SLC44A5: variants seen among roughly 807,000 people sequenced by gnomAD.
The protein encoded by SLC44A5 is solute carrier family 44 member 5, also known as choline transporter-like protein 5.
In SLC44A5, 57 loss-of-function variants were observed where a neutral mutation model predicts 101.8. The observed-to-expected ratio is 0.56, with a 90% CI of 0.45 to 0.70. SLC44A5 has a LOEUF of 0.70. SLC44A5 is among the 30% of genes least tolerant of loss of function. The probability of loss-of-function intolerance (pLI) is 0.00; values close to 1 mark genes in which losing one functional copy is unlikely to be tolerated. For synonymous variants in SLC44A5, 281 were observed against 290.9 expected, an observed-to-expected ratio of 0.97 and a Z score of 0.35; for missense variants, 737 against 853.1, an observed-to-expected ratio of 0.86 and a Z score of 1.70.
intron 2 of SLC44A5, among the ~76,000 whole-genome samples, chr1:75,503,551 T>C (rs1269752243): frequency 6.6e-6 from 1 of 152,200 alleles, no homozygotes; most frequent in Admixed American, 6.5e-5. Context: ...TGTGGAACTA[T>C]GTGTCAATTA....
chr1:75,447,188 T>C (rs1219317040), intron 2 of SLC44A5, among the ~76,000 whole-genome samples: 2 of 152,180 alleles, frequency 1.3e-5, no homozygotes, highest in Admixed American at 6.5e-5. Flanking sequence ...CAAAGAATTA[T>C]CTATGAATAA....
chr1:75,404,412 TA>T (rs1448557181), intron 2 of SLC44A5, among the ~76,000 whole-genome samples: 1 of 152,008 alleles, frequency 6.6e-6, no homozygotes, highest in African/African-American at 2.4e-5. Flanking sequence ...TCAACAAGGT[TA>T]AAATGAAGGA....
At position 75,339,564 on chromosome 1, in the gene SLC44A5, C is replaced by A. The variant is rs1657706838; in HGVS notation, c.101+18G>T. 6.3e-7 allele frequency: 1 copy of A among 1,592,870 alleles called. No homozygotes were observed. The highest frequency in any genetic ancestry group is 8.5e-7 in the Non-Finnish European group (1 of 1,169,760). On this transcript the variant is annotated intron_variant, in intron 4 of 23. Coordinates refer to ENST00000370859, the MANE Select transcript of SLC44A5 (RefSeq NM_001130058.2). The stretch of plus-strand genomic sequence containing the variant: ...TGTATGTTTAAAAAAGCATATTCCC[C>A]AAAAAATAATTGCTTACCTGTTGGC...
At chr1:75,534,603 T>A (rs1184035053) in intron 2 of SLC44A5, among the ~76,000 whole-genome samples, 1 of 152,240 alleles carries the variant, frequency 6.6e-6, no homozygotes, top group Non-Finnish European at 1.5e-5. Flanking sequence ...GAATGTGTCA[T>A]GACTGGAAAT....
At chr1:75,682,958 C>G in the SLC44A5 span, among the ~76,000 whole-genome samples, 2 of 152,270 alleles carry the variant, frequency 1.3e-5, no homozygotes, top group East Asian at 3.9e-4. Flanking sequence ...CATGAATAGA[C>G]ACTTCTCAAA....
the SLC44A5 span, among the ~76,000 whole-genome samples, chr1:75,691,597 T>A: frequency 6.6e-6 from 1 of 152,078 alleles, no homozygotes; most frequent in Non-Finnish European, 1.5e-5. Context: ...TGGTCTCAGA[T>A]AAAATATGGC....
chr1:75,451,392 C>CA (rs969567603), intron 2 of SLC44A5, among the ~76,000 whole-genome samples: 18 of 151,984 alleles, frequency 1.2e-4, no homozygotes, highest in Admixed American at 3.3e-4. Context: ...TAATACCTGC[C>CA]AAAAAAATGT....
chr1:75,339,616 A>G lies in SLC44A5; in HGVS notation c.67T>C (p.Tyr23His), dbSNP rs202031898. ...EEEDFGDPRT[Y>H]DPDFKGPVAN... is the part of the protein sequence containing the mutation. ...ACAGGCCCCTTGAAATCTGGGTCAT[A>G]TGTCCTTGGATCACCTGCATTTAAA... is the stretch of plus-strand genomic sequence containing the variant. The change falls in exon 4 of 24, where the codon TAT (tyrosine) becomes CAT (histidine). Residue 23 changes from tyrosine (Y) to histidine (H), a missense_variant. By Grantham distance (83) the Tyr-to-His change is moderately conservative. This residue lies in a region of SLC44A5 where 665 missense variants were observed against 764.4 expected (regional missense o/e 0.87). Transcript: ENST00000370859. 5.7e-5 allele frequency: 92 copies of G among 1,609,216 alleles called. 1 individual carries two copies. In the Admixed American group the frequency reaches 1.5e-3, roughly 27 times the overall value.
chr1:75,615,965 C>T, upstream of SLC44A5: 1 of 827,596 alleles, frequency 1.2e-6, no homozygotes. Context: ...GCCCTCGCCG[C>T]GGCTCTCAGC....
chr1:75,591,042 G>A (rs1674323262), intron 1 of SLC44A5, among the ~76,000 whole-genome samples: 1 of 152,178 alleles, frequency 6.6e-6, no homozygotes, highest in Admixed American at 6.5e-5. Flanking sequence ...CATACTGGTG[G>A]TGGCCACAGG....
Position 75,238,385 on chromosome 1 carries a change from C to CATATATATATATATAT in SLC44A5, c.656+112_656+127dup, listed in dbSNP as rs71081318. 1,400 of 215,120 alleles carry CATATATATATATATAT rather than the reference C, an allele frequency of 6.5e-3. 11 individuals are homozygous for CATATATATATATATAT. The highest frequency in any genetic ancestry group is 0.012 in the African/African-American group (462 of 38,304). The allele number at this position is 215,120 out of a possible 1,614,324, so 13.3% of individuals were successfully genotyped here. ...TCAATTCACAGTAACACGTATATTTCATATATATATATATATATATATATA... is the reference window on the plus strand; with the variant it reads ...TCAATTCACAGTAACACGTATATTTCATATATATATATATATATATATATATATATATATATATATA... On this transcript the variant is annotated intron_variant, in intron 10 of 23. Transcript: ENST00000370859.
At chr1:75,410,030 T>C (rs1663172520) in intron 2 of SLC44A5, among the ~76,000 whole-genome samples, 1 of 152,166 alleles carries the variant, frequency 6.6e-6, no homozygotes, top group Non-Finnish European at 1.5e-5. Context: ...AATTAACCTA[T>C]TCTTATTCCA....
chr1:75,361,406 T>C (rs1029402517), intron 3 of SLC44A5, among the ~76,000 whole-genome samples: 1 of 152,106 alleles, frequency 6.6e-6, no homozygotes, highest in Non-Finnish European at 1.5e-5. Context: ...AGGAAAAGCT[T>C]TCAAGTTTTC....
chr1:75,535,136 G>T (rs1373834430), intron 2 of SLC44A5, among the ~76,000 whole-genome samples: 1 of 147,476 alleles, frequency 6.8e-6, no homozygotes, highest in African/African-American at 2.5e-5. Context: ...GGCACAATCT[G>T]CTTACCTAAG....
the SLC44A5 span, among the ~76,000 whole-genome samples, chr1:75,618,621 A>C: frequency 6.6e-6 from 1 of 152,260 alleles, no homozygotes; most frequent in Non-Finnish European, 1.5e-5. Flanking sequence ...TTAAACAAAC[A>C]TACATGGTAT....
At chr1:75,398,573 C>A (rs1027120000) in intron 2 of SLC44A5, among the ~76,000 whole-genome samples, 1 of 152,060 alleles carries the variant, frequency 6.6e-6, no homozygotes, top group African/African-American at 2.4e-5. Flanking sequence ...ATTTGACCAA[C>A]GTTGTACCTT....
intron 12 of SLC44A5, among the ~76,000 whole-genome samples, chr1:75,228,443 A>C (rs1483379960): frequency 6.6e-6 from 1 of 152,042 alleles, no homozygotes; most frequent in Admixed American, 6.6e-5. Flanking sequence ...GTTTCCTTAC[A>C]TGTTGTATAA....
chr1:75,541,561 T>G, intron 1 of SLC44A5, 45 bp from the exon 2 acceptor site: 2 of 1,329,444 alleles, frequency 1.5e-6, no homozygotes, highest in East Asian at 4.7e-5. Flanking sequence ...AAGCAAATTA[T>G]TTTTACTCAT....
In SLC44A5 at chr1:75,251,384, A is replaced by G. The variant is rs557593519; in HGVS notation, c.261-90T>C. 1,158 of 1,077,956 alleles carry G rather than the reference A, an allele frequency of 1.1e-3. 2 individuals carry two copies. Among genetic ancestry groups the G allele is most frequent in the Non-Finnish European group, 1.4e-3 (1,009 of 740,284 alleles). The allele number at this position is 1,077,956 out of a possible 1,614,324, so 66.8% of individuals were successfully genotyped here. Reference sequence around the variant, plus strand: ...TGAACACTTTTTATAAATAACCTTTAAAAATTGGTTTCATTATCTACAGAG... The same window carrying G: ...TGAACACTTTTTATAAATAACCTTTGAAAATTGGTTTCATTATCTACAGAG... On this transcript the variant is annotated intron_variant, in intron 6 of 23. Coordinates refer to ENST00000370859, the MANE Select transcript of SLC44A5 (RefSeq NM_001130058.2).
Sources: gnomAD v4.1 joint callset for allele counts (sites outside exome capture counted in the v4.1 genomes callset) on GRCh38, gnomAD v4.1.1 for gene constraint, gnomAD v4.1.1 regional missense constraint, MANE v1.5 for transcripts, NCBI Gene and HGNC (gene_info 2026-07-23, HGNC 2026-07-21) for gene names.